RGS6: variants seen among roughly 807,000 people sequenced by gnomAD.
The protein encoded by RGS6 is regulator of G-protein signaling 6.
Under a neutral mutation model 78.5 loss-of-function variants are expected in RGS6, and 30 were observed. That is an observed-to-expected ratio of 0.38 (90% CI 0.29 to 0.52). RGS6 has a LOEUF of 0.52. RGS6 is among the 20% of genes least tolerant of loss of function. The pLI, the probability that RGS6 is intolerant of heterozygous loss-of-function variation, is 0.85. For synonymous variants in RGS6, 206 were observed against 206.0 expected, an observed-to-expected ratio of 1.00 and a Z score of 0.00; for missense variants, 495 against 609.7, an observed-to-expected ratio of 0.81 and a Z score of 1.98.
intron 2 of RGS6, among the ~76,000 whole-genome samples, chr14:72,010,186 T>A (rs1567012343): frequency 6.6e-6 from 1 of 152,226 alleles, no homozygotes; most frequent in Non-Finnish European, 1.5e-5. Context: ...AAAAACTTCT[T>A]CCTGCTGAAA....
chr14:72,500,740 C>T lies in RGS6; in HGVS notation c.965+5478C>T, dbSNP rs182200177. On this transcript the variant is annotated intron_variant, in intron 13 of 17. Coordinates refer to ENST00000553525, the MANE Select transcript of RGS6 (RefSeq NM_001204424.2). ...GGGTTGTGCTGTCCTGCTGAGAAAACGAGACAAATGTATTCTCTGTTCCTG... is the reference window on the plus strand; with the variant it reads ...GGGTTGTGCTGTCCTGCTGAGAAAATGAGACAAATGTATTCTCTGTTCCTG... 3.7e-3 allele frequency among the ~76,000 whole-genome samples: 568 copies of T among 152,210 alleles called. 5 individuals are homozygous for T. Among genetic ancestry groups the T allele is most frequent in the African/African-American group, 0.013 (529 of 41,538 alleles).
the RGS6 span, among the ~76,000 whole-genome samples, chr14:71,880,281 C>A: frequency 6.6e-6 from 1 of 152,166 alleles, no homozygotes; most frequent in Admixed American, 6.5e-5. Context: ...TGCAGCCTGA[C>A]AATGCTGTAG....
intron 3 of RGS6, among the ~76,000 whole-genome samples, chr14:72,449,292 T>G (rs1038112467): frequency 6.6e-6 from 1 of 152,374 alleles, no homozygotes; most frequent in East Asian, 1.9e-4. Flanking sequence ...TTATCAGTAC[T>G]ATGATGTACT....
rs139891369 is a variant in RGS6 at position 72,314,286 on chromosome 14, GCT to G, written c.85-37804_85-37803del. Among the ~76,000 whole-genome samples, 357 of 152,300 alleles carry G rather than the reference GCT, an allele frequency of 2.3e-3. 1 individual carries two copies. The highest frequency in any genetic ancestry group is 8.4e-3 in the African/African-American group (347 of 41,556). On this transcript the variant is annotated intron_variant, in intron 2 of 17. Coordinates refer to ENST00000553525, the MANE Select transcript of RGS6 (RefSeq NM_001204424.2). ...ACTGACATCCTGGCTCCTGTCTGCT[GCT>G]CTCTTGGCTTTTCCCTCATAATCAC...
chr14:72,138,702 C>G (rs1407015893), intron 2 of RGS6, among the ~76,000 whole-genome samples: 2 of 151,962 alleles, frequency 1.3e-5, no homozygotes, highest in African/African-American at 4.8e-5. Flanking sequence ...TGCGTCCTAT[C>G]AGATCAGCAG....
At chr14:72,217,904 T>G (rs1042495733) in intron 2 of RGS6, among the ~76,000 whole-genome samples, 8 of 152,236 alleles carry the variant, frequency 5.3e-5, no homozygotes, top group Non-Finnish European at 1.2e-4. Flanking sequence ...CACACACATT[T>G]ACACATATAC....
chr14:72,412,231 G>A (rs1404931224), intron 3 of RGS6, among the ~76,000 whole-genome samples: 2 of 152,240 alleles, frequency 1.3e-5, no homozygotes, highest in African/African-American at 4.8e-5. Context: ...ATTAATTATT[G>A]CCTCAATTTG....
At chr14:72,055,323 G>A (rs1187459163) in intron 2 of RGS6, among the ~76,000 whole-genome samples, 1 of 147,968 alleles carries the variant, frequency 6.8e-6, no homozygotes, top group South Asian at 2.2e-4. Flanking sequence ...TTTTTTTTTT[G>A]CCAATTTTGT....
intron 4 of RGS6, among the ~76,000 whole-genome samples, chr14:72,455,504 G>C (rs1386781585): frequency 6.6e-6 from 1 of 152,188 alleles, no homozygotes; most frequent in East Asian, 1.9e-4. Context: ...TTTCTAATCT[G>C]TTGACTGCAA....
intron 3 of RGS6, among the ~76,000 whole-genome samples, chr14:72,402,046 G>A (rs1445733540): frequency 2.0e-5 from 3 of 152,168 alleles, no homozygotes; most frequent in Admixed American, 6.5e-5. Context: ...CAGAAGTGGT[G>A]GCTCTCAATG....
At chr14:72,480,686 G>A (rs905236090) in intron 12 of RGS6, among the ~76,000 whole-genome samples, 1 of 152,144 alleles carries the variant, frequency 6.6e-6, no homozygotes, top group African/African-American at 2.4e-5. Flanking sequence ...TGTGAAGATG[G>A]GGCCAGGGAG....
At chr14:71,944,227 T>C (rs1237542099) in intron 1 of RGS6, among the ~76,000 whole-genome samples, 1 of 152,244 alleles carries the variant, frequency 6.6e-6, no homozygotes, top group Non-Finnish European at 1.5e-5. Flanking sequence ...TGTGGGCTGA[T>C]CTTACAAAAT....
chr14:72,127,159 G>A (rs1004302047), intron 2 of RGS6, among the ~76,000 whole-genome samples: 9 of 152,250 alleles, frequency 5.9e-5, no homozygotes, highest in East Asian at 1.9e-4. Context: ...GTGAGGAGAC[G>A]AGATTATGAT....
Position 72,147,475 on chromosome 14 carries a change from G to A in RGS6, c.84+182600G>A, listed in dbSNP as rs192274075. Reference sequence around the variant, plus strand: ...GCACAAGAGAGAACAAAAGAGGGCCGAACTCACTTTTATAACAAACCACTC... The same window carrying A: ...GCACAAGAGAGAACAAAAGAGGGCCAAACTCACTTTTATAACAAACCACTC... On this transcript the variant is annotated intron_variant, in intron 2 of 17. Transcript: ENST00000553525. 9.0e-4 allele frequency among the ~76,000 whole-genome samples: 137 copies of A among 152,238 alleles called. 1 individual carries two copies. Among genetic ancestry groups the A allele is most frequent in the African/African-American group, 3.2e-3 (133 of 41,554 alleles).
chr14:72,419,543 C>A (rs1566798276), intron 3 of RGS6, among the ~76,000 whole-genome samples: 1 of 152,218 alleles, frequency 6.6e-6, no homozygotes, highest in Non-Finnish European at 1.5e-5. Flanking sequence ...AGCCCAGATG[C>A]TCTGCACAAA....
chr14:72,571,330 T>C (rs1405209115), downstream of RGS6, among the ~76,000 whole-genome samples: 1 of 152,166 alleles, frequency 6.6e-6, no homozygotes, highest in African/African-American at 2.4e-5. Context: ...CCTTAGCCCA[T>C]CTAGTCAGAT....
chr14:72,491,735 C>T (rs949618336), intron 12 of RGS6, among the ~76,000 whole-genome samples: 1 of 152,186 alleles, frequency 6.6e-6, no homozygotes, highest in Non-Finnish European at 1.5e-5. Context: ...AAAGAACATT[C>T]TAACCTACAT....
chr14:72,380,825 A>G (rs2085885041), intron 3 of RGS6, among the ~76,000 whole-genome samples: 1 of 152,130 alleles, frequency 6.6e-6, no homozygotes, highest in African/African-American at 2.4e-5. Flanking sequence ...CTGGACATTT[A>G]TGCAAAGGGA....
At chr14:72,207,348 A>G (rs1479251975) in intron 2 of RGS6, among the ~76,000 whole-genome samples, 2 of 152,222 alleles carry the variant, frequency 1.3e-5, no homozygotes, top group African/African-American at 4.8e-5. Flanking sequence ...GTTTTTAGGT[A>G]TATGAGATTA....
Sources: gnomAD v4.1 joint callset for allele counts (sites outside exome capture counted in the v4.1 genomes callset) on GRCh38, gnomAD v4.1.1 for gene constraint, MANE v1.5 for transcripts, NCBI Gene and HGNC (gene_info 2026-07-23, HGNC 2026-07-21) for gene names.